DPP6: variants seen among roughly 807,000 people sequenced by gnomAD.
DPP6 encodes the protein dipeptidyl peptidase like 6.
A neutral mutation model predicts 122.6 loss-of-function variants in DPP6; 69 were observed. That is an observed-to-expected ratio of 0.56 (90% CI 0.46 to 0.69). The LOEUF (loss-of-function observed/expected upper bound fraction) is 0.69, where lower values mean the gene tolerates loss of function less well. Ranked by LOEUF, DPP6 falls within the 30% of genes least tolerant of loss-of-function variation. DPP6 has a pLI of 0.00. For missense variants in DPP6, 928 were observed against 1,116.9 expected (o/e 0.83, Z 2.41); for synonymous variants, 418 against 433.1 (o/e 0.97, Z 0.43).
intron 7 of DPP6, among the ~76,000 whole-genome samples, chr7:154,716,714 G>A (rs571646915): frequency 6.7e-6 from 1 of 148,504 alleles, no homozygotes; most frequent in Non-Finnish European, 1.5e-5. Context: ...CTCCTGAATG[G>A]TTTTCAAGAT....
intron 5 of DPP6, among the ~76,000 whole-genome samples, chr7:154,599,059 C>CTT (rs1222025510): frequency 6.6e-6 from 1 of 152,128 alleles, no homozygotes; most frequent in African/African-American, 2.4e-5. Context: ...GATAACTGCA[C>CTT]TTTCTTCTAA....
chr7:154,739,952 G>A (rs1216479271), intron 8 of DPP6, among the ~76,000 whole-genome samples: 2 of 152,208 alleles, frequency 1.3e-5, no homozygotes, highest in African/African-American at 2.4e-5. Context: ...TCCAGTAGAA[G>A]CTTTGTTAAT....
chr7:154,022,412 GAAGA>G (rs1798746973), intron 1 of DPP6, among the ~76,000 whole-genome samples: 1 of 152,082 alleles, frequency 6.6e-6, no homozygotes, highest in African/African-American at 2.4e-5. Context: ...AAGGAGAGAG[GAAGA>G]AATAGAAAAA....
intron 3 of DPP6, among the ~76,000 whole-genome samples, chr7:154,518,945 T>C (rs1826753901): frequency 6.6e-6 from 1 of 152,128 alleles, no homozygotes; most frequent in Non-Finnish European, 1.5e-5. Flanking sequence ...GGACTCCAGG[T>C]TAGGGAACTA....
intron 18 of DPP6, among the ~76,000 whole-genome samples, chr7:154,870,884 AC>A (rs1473483525): frequency 1.3e-5 from 2 of 149,656 alleles, no homozygotes; most frequent in Non-Finnish European, 3.0e-5. Flanking sequence ...AATCACTTGA[AC>A]CCAGGAGGCG....
chr7:154,729,253 C>A (rs1381323208), intron 8 of DPP6, among the ~76,000 whole-genome samples: 1 of 152,140 alleles, frequency 6.6e-6, no homozygotes, highest in South Asian at 2.1e-4. Flanking sequence ...AATAACTCAC[C>A]CTGCTAGGCT....
At chr7:153,947,035 G>A (rs1801979519) in intron 1 of DPP6, among the ~76,000 whole-genome samples, 1 of 152,126 alleles carries the variant, frequency 6.6e-6, no homozygotes, top group South Asian at 2.1e-4. Flanking sequence ...GAGGCCACCG[G>A]GGATGATTCA....
At chr7:154,470,271 G>A (rs1400887197) in intron 2 of DPP6, among the ~76,000 whole-genome samples, 1 of 152,160 alleles carries the variant, frequency 6.6e-6, no homozygotes, top group African/African-American at 2.4e-5. Context: ...GTAGCTCAAT[G>A]TAACTTTCCT....
At chr7:153,849,351 G>A in the DPP6 span, among the ~76,000 whole-genome samples, 5 of 151,948 alleles carry the variant, frequency 3.3e-5, no homozygotes, top group Admixed American at 6.6e-5. Flanking sequence ...CTCTGCAGAG[G>A]TGCTTTCCTG....
rs1806822301 is a variant in DPP6 at position 154,893,557 on chromosome 7, G to A, written c.*1077G>A. ...GGGCCACGGGAGTCCTGAGGGTTCT[G>A]TGGGCCTGCGCGCATCCCTCTCCCA... On this transcript the variant is annotated 3_prime_UTR_variant, in exon 26 of 26. Coordinates refer to ENST00000377770, the MANE Select transcript of DPP6 (RefSeq NM_130797.4). 6.6e-6 allele frequency: 1 copy of A among 151,242 alleles called. No homozygotes were observed. The highest frequency in any genetic ancestry group is 2.4e-5 in the African/African-American group (1 of 41,134). The allele number at this position is 151,242 out of a possible 1,614,324, so 9.4% of individuals were successfully genotyped here.
chr7:153,791,872 A>G, the DPP6 span, among the ~76,000 whole-genome samples: 2 of 152,366 alleles, frequency 1.3e-5, no homozygotes, highest in Middle Eastern at 6.8e-3. Flanking sequence ...TTCTGTGTAG[A>G]CATTATTTGT....
chr7:154,859,520 T>C (rs1164877650), intron 17 of DPP6, among the ~76,000 whole-genome samples: 1 of 152,244 alleles, frequency 6.6e-6, no homozygotes, highest in Admixed American at 6.5e-5. Flanking sequence ...GAAATTACTG[T>C]TTCAGAATTC....
intron 18 of DPP6, among the ~76,000 whole-genome samples, chr7:154,871,689 G>A (rs970309690): frequency 6.6e-5 from 10 of 152,292 alleles, no homozygotes; most frequent in African/African-American, 2.2e-4. Flanking sequence ...TAATTTGCAA[G>A]CCATTAACAT....
chr7:154,755,176 CAT>C lies in DPP6; in HGVS notation c.884-14240_884-14239del, dbSNP rs1241521390. On this transcript the variant is annotated intron_variant, in intron 8 of 25. Transcript: ENST00000377770. The surrounding 1 kb of genome is among the most constrained non-coding windows in gnomAD (Gnocchi z 4.7). ...AAAAAAAAAAAAAAGAAACTGAACA[CAT>C]GTCAGGAGCTGAATTTAAAACAATG... Among the ~76,000 whole-genome samples, 6 of 146,410 alleles carry C rather than the reference CAT, an allele frequency of 4.1e-5. No individual in the cohort carries two copies. The highest frequency in any genetic ancestry group is 9.0e-5 in the Non-Finnish European group (6 of 66,528).
At chr7:154,303,744 C>G (rs1224387559) in intron 1 of DPP6, among the ~76,000 whole-genome samples, 3 of 152,140 alleles carry the variant, frequency 2.0e-5, no homozygotes, top group Non-Finnish European at 4.4e-5. Flanking sequence ...TGCAAGCTAC[C>G]AGCCATCTAC....
chr7:154,505,428 G>A (rs978859326), intron 3 of DPP6, among the ~76,000 whole-genome samples: 2 of 152,070 alleles, frequency 1.3e-5, no homozygotes, highest in Admixed American at 1.3e-4. Flanking sequence ...GCTTAATTCA[G>A]ATTTTCTTAG....
At chr7:154,816,903 C>G (rs1172436397) in intron 16 of DPP6, among the ~76,000 whole-genome samples, 1 of 152,134 alleles carries the variant, frequency 6.6e-6, no homozygotes, top group African/African-American at 2.4e-5. Context: ...GCAATGAGTA[C>G]CTGGTGGCTT....
At position 154,801,668 on chromosome 7, in the gene DPP6, C is replaced by A. The variant is rs12111875; in HGVS notation, c.1407+206C>A. Among the ~76,000 whole-genome samples the A allele has an allele frequency of 0.27, 40,510 of 151,996 alleles. 5,821 individuals carry two copies. The highest frequency in any genetic ancestry group is 0.35 in the Admixed American group (5,281 of 15,278). On this transcript the variant is annotated intron_variant, in intron 13 of 25. Coordinates refer to ENST00000377770, the MANE Select transcript of DPP6 (RefSeq NM_130797.4). The stretch of plus-strand genomic sequence containing the variant: ...GAACCTTGCTCTATCTGGTCACGTG[C>A]GAGAATGTGAATGACGCTTCTGCCA...
At chr7:153,849,069 G>A in the DPP6 span, among the ~76,000 whole-genome samples, 2 of 152,134 alleles carry the variant, frequency 1.3e-5, no homozygotes, top group African/African-American at 4.8e-5. Flanking sequence ...AAATTAATCT[G>A]TAGGAATTCA....
Sources: gnomAD v4.1 joint callset for allele counts (sites outside exome capture counted in the v4.1 genomes callset) on GRCh38, gnomAD v4.1.1 for gene constraint, Gnocchi (gnomAD v3.1) non-coding constraint, MANE v1.5 for transcripts, NCBI Gene and HGNC (gene_info 2026-07-23, HGNC 2026-07-21) for gene names.